MROH7: variants seen among roughly 807,000 people sequenced by gnomAD.
MROH7 encodes maestro heat like repeat family member 7, also known as maestro heat-like repeat-containing protein family member 7.
MROH7 carries 113 observed loss-of-function variants against 129.2 expected under a neutral mutation model. The ratio of observed to expected loss-of-function variants is 0.87; its 90% CI spans 0.75 to 1.02. MROH7 has a LOEUF of 1.02. Among genes scored for constraint, MROH7 ranks in the 50% least tolerant of loss-of-function variants. The probability of loss-of-function intolerance (pLI) is 0.00; values close to 1 mark genes in which losing one functional copy is unlikely to be tolerated. For synonymous variants in MROH7, 655 were observed against 667.9 expected (o/e 0.98, Z 0.30); for missense variants, 1,601 against 1,671.3 (o/e 0.96, Z 0.73).
intron 6 of MROH7, 101 bp downstream of exon 6, chr1:54,670,677 ACCCCTCGCCCG>A: frequency 3.0e-6 from 1 of 330,436 alleles, no homozygotes; most frequent in Middle Eastern, 6.9e-4. Flanking sequence ...ACCCGCCCCC[ACCCCTCGCCCG>A]GTGCCTTTTC....
intron 10 of MROH7, among the ~76,000 whole-genome samples, chr1:54,677,866 T>C (rs1645006354): frequency 3.3e-5 from 5 of 152,056 alleles, no homozygotes; most frequent in Admixed American, 3.3e-4. Flanking sequence ...TTGGTGAGAG[T>C]ACCTTCTCGT....
intron 4 of MROH7, among the ~76,000 whole-genome samples, chr1:54,666,510 C>T (rs185799630): frequency 1.2e-4 from 16 of 138,358 alleles, no homozygotes; most frequent in Admixed American, 7.4e-4. Flanking sequence ...TCTTGGCTTG[C>T]TGCAGCCTTA....
At chr1:54,682,518 T>A in intron 13 of MROH7, 138 bp from the exon 14 acceptor site, 1 of 798,640 alleles carries the variant, frequency 1.3e-6, no homozygotes, top group Non-Finnish European at 2.0e-6. Context: ...GGGAGTGTTT[T>A]CTGGACTATT....
rs569829916 is a variant in MROH7 at position 54,707,243 on chromosome 1, C to T, written c.3667+706C>T. On this transcript the variant is annotated intron_variant, in intron 22 of 23. Coordinates refer to ENST00000421030, the MANE Select transcript of MROH7 (RefSeq NM_001039464.4). ...GTGTGTCTCCTCCCAGTTACTCACC[C>T]CTCCCTCCAAATAACCACATGCCCT... Among the ~76,000 whole-genome samples, 315 of 152,314 alleles carry T rather than the reference C, an allele frequency of 2.1e-3. 1 individual carries two copies. The highest frequency in any genetic ancestry group is 7.1e-3 in the African/African-American group (295 of 41,566).
chr1:54,682,626 C>G (rs1163255277), intron 13 of MROH7, 30 bp from the exon 14 acceptor site: 1 of 1,600,084 alleles, frequency 6.2e-7, no homozygotes, highest in Admixed American at 1.7e-5. Context: ...CCTTGGCCAC[C>G]ACTAATTGCC....
At chr1:54,646,015 G>T (rs145016402) in intron 1 of MROH7, among the ~76,000 whole-genome samples, 8 of 152,316 alleles carry the variant, frequency 5.3e-5, no homozygotes, top group Non-Finnish European at 1.0e-4. Flanking sequence ...CCTGGCACAG[G>T]CCCGGTCTCC....
At chr1:54,708,976 G>T in intron 22 of MROH7, 38 bp from the exon 23 acceptor site, 1 of 1,607,298 alleles carries the variant, frequency 6.2e-7, no homozygotes, top group African/African-American at 1.3e-5. Context: ...GGTCGACGTC[G>T]GAAGACAAAT....
At chr1:54,677,789 A>G (rs956097800) in intron 10 of MROH7, among the ~76,000 whole-genome samples, 7 of 152,190 alleles carry the variant, frequency 4.6e-5, no homozygotes, top group East Asian at 1.9e-4. Context: ...TGAAGCCACT[A>G]TGTGCCGGGT....
At chr1:54,673,508 C>T (rs917391709) in intron 8 of MROH7, among the ~76,000 whole-genome samples, 193 bp from the exon 9 acceptor site, 1 of 152,162 alleles carries the variant, frequency 6.6e-6, no homozygotes, top group Non-Finnish European at 1.5e-5. Context: ...CATTGACTTC[C>T]TTCTTCCCTA....
Position 54,674,142 on chromosome 1 carries a change from C to A in MROH7, c.1927C>A (p.Leu643Ile), listed in dbSNP as rs1378310960. 1 of 1,613,098 alleles carries A rather than the reference C, an allele frequency of 6.2e-7. No individual in the cohort carries two copies. The highest frequency in any genetic ancestry group is 2.2e-5 in the East Asian group (1 of 44,876). The change falls in exon 10 of 24, where the codon CTC becomes ATC. Residue 643 changes from leucine to isoleucine, a missense_variant. Coordinates refer to ENST00000421030, the MANE Select transcript of MROH7 (RefSeq NM_001039464.4). ...CATCATCCTCTACACTATTCTGGAG[C>A]TCCAAAAACGTAAGCCCTATCGGAG... Reference protein sequence around the residue: ...GIIILYTILELQKRARDKEET... With the variant: ...GIIILYTILEIQKRARDKEET...
chr1:54,665,955 C>T (rs1435846956), intron 4 of MROH7, among the ~76,000 whole-genome samples: 1 of 152,254 alleles, frequency 6.6e-6, no homozygotes, highest in Non-Finnish European at 1.5e-5. Flanking sequence ...AGCATTTATC[C>T]TCATCCCATG....
At chr1:54,646,015 G>GC (rs1644461145) in intron 1 of MROH7, among the ~76,000 whole-genome samples, 1 of 152,198 alleles carries the variant, frequency 6.6e-6, no homozygotes, top group Non-Finnish European at 1.5e-5. Flanking sequence ...CCTGGCACAG[G>GC]CCCGGTCTCC....
rs199526169 is a variant in MROH7, at chr1:54,700,426, C to T, written c.3070C>T (p.Arg1024Ter). The T allele has an allele frequency of 2.3e-5, 37 of 1,609,474 alleles. No individual in the cohort carries two copies. The highest frequency in any genetic ancestry group is 4.5e-5 in the East Asian group (2 of 44,840). ...CCCCATCATGAAGGTGCTGTCCATTCGAGGCCTGGTCATCCTGGCCCGCAG... is the reference window on the plus strand; with the variant it reads ...CCCCATCATGAAGGTGCTGTCCATTTGAGGCCTGGTCATCCTGGCCCGCAG... ...HDPIMKVLSI[R>*]GLVILARRSE... Residue 1024 changes from arginine to a stop codon, truncating the protein, a stop_gained, in exon 18 of 24, where the codon CGA becomes TGA. Coordinates refer to ENST00000421030, the MANE Select transcript of MROH7 (RefSeq NM_001039464.4). LOFTEE classifies it high-confidence loss of function.
rs370911257 is a variant in MROH7 at position 54,704,371 on chromosome 1, A to G, written c.3564+1626A>G. On this transcript the variant is annotated intron_variant, in intron 21 of 23. Transcript: ENST00000421030. The stretch of plus-strand genomic sequence containing the variant: ...AGGTAGGGGTGAAGAGCTCAAGCTC[A>G]CCGTGCAGGCCCTTCTCTTGCCAGG... 1.2e-3 allele frequency among the ~76,000 whole-genome samples: 181 copies of G among 151,514 alleles called. 1 individual carries two copies. The highest frequency in any genetic ancestry group is 4.2e-3 in the African/African-American group (172 of 41,276).
rs762688471 is a variant in MROH7 at position 54,665,163 on chromosome 1, G to C, written c.1232-4G>C. 6 of 1,613,388 alleles carry C rather than the reference G, an allele frequency of 3.7e-6. No individual in the cohort carries two copies. The Admixed American group carries it at 1.0e-4, about 27-fold the overall frequency. On this transcript the variant is annotated splice_polypyrimidine_tract_variant and splice_region_variant and intron_variant, in intron 3 of 23. Coordinates refer to ENST00000421030, the MANE Select transcript of MROH7 (RefSeq NM_001039464.4). ...CACCTTCTCATTGAAATCGTGCCCT[G>C]CAGGAGCCTTTGATGAAGTGACCTC... is the stretch of plus-strand genomic sequence containing the variant.
intron 3 of MROH7, among the ~76,000 whole-genome samples, chr1:54,663,528 A>T (rs1006694105): frequency 6.6e-6 from 1 of 151,926 alleles, no homozygotes; most frequent in Non-Finnish European, 1.5e-5. Context: ...GTGCACCACC[A>T]TTGCCCAGCT....
Position 54,668,904 on chromosome 1 carries a change from A to C in MROH7, c.1356A>C (p.Glu452Asp). Residue 452 changes from glutamate (E) to aspartate (D), a missense_variant, in exon 5 of 24, where the codon GAA becomes GAC. Physicochemically the swap from Glu to Asp is conservative, Grantham distance 45 (BLOSUM62 2). Coordinates refer to ENST00000421030, the MANE Select transcript of MROH7 (RefSeq NM_001039464.4). ...AGAGCCAGGATCTGCTGGAGGCAGA[A>C]GGAGAAAAGAAGACCATGATAAAGA... is the stretch of plus-strand genomic sequence containing the variant. ...LQKSQDLLEA[E>D]GEKKTMIKKI... 1 of 1,611,102 alleles carries C rather than the reference A, an allele frequency of 6.2e-7. No homozygotes were observed. The highest frequency in any genetic ancestry group is 8.5e-7 in the Non-Finnish European group (1 of 1,178,120).
At chr1:54,684,314 A>C (rs1450381427) in intron 14 of MROH7, among the ~76,000 whole-genome samples, 1 of 152,166 alleles carries the variant, frequency 6.6e-6, no homozygotes, top group South Asian at 2.1e-4. Flanking sequence ...GCTAGGACTC[A>C]AACCCAGCAG....
chr1:54,668,875 C>T lies in MROH7; in HGVS notation c.1327C>T (p.Gln443Ter). Residue 443 changes from glutamine to a stop codon, truncating the protein, a stop_gained, in exon 5 of 24, where the codon CAG becomes TAG. Coordinates refer to ENST00000421030, the MANE Select transcript of MROH7 (RefSeq NM_001039464.4). LOFTEE classifies it high-confidence loss of function. ...MALVENVTTL[Q>*]KSQDLLEAEG... ...CTAGGTTGAGAATGTCACCACCCTT[C>T]AGAAGAGCCAGGATCTGCTGGAGGC... 1 of 1,613,784 alleles carries T rather than the reference C, an allele frequency of 6.2e-7. No individual in the cohort carries two copies. Among genetic ancestry groups the T allele is most frequent in the Non-Finnish European group, 8.5e-7 (1 of 1,179,876 alleles).
Sources: gnomAD v4.1 joint callset for allele counts (sites outside exome capture counted in the v4.1 genomes callset) on GRCh38, gnomAD v4.1.1 for gene constraint, MANE v1.5 for transcripts, NCBI Gene and HGNC (gene_info 2026-07-23, HGNC 2026-07-21) for gene names.